The following CNTN5 variants were observed in gnomAD, a reference collection of about 807,000 sequenced individuals.
The protein encoded by CNTN5 is contactin-5.
A neutral mutation model predicts 129.1 loss-of-function variants in CNTN5; 77 were observed. That is an observed-to-expected ratio of 0.60 (90% CI 0.50 to 0.72). CNTN5 has a LOEUF of 0.72. Among genes scored for constraint, CNTN5 ranks in the 30% least tolerant of loss-of-function variants. The probability of loss-of-function intolerance (pLI) is 0.00; values close to 1 mark genes in which losing one functional copy is unlikely to be tolerated. For missense variants in CNTN5, 1,478 were observed against 1,328.8 expected (o/e 1.11, Z -1.75); for synonymous variants, 509 against 465.6 (o/e 1.09, Z -1.20).
chr11:100,249,150 C>A (rs1185195783), intron 16 of CNTN5, among the ~76,000 whole-genome samples: 2 of 151,946 alleles, frequency 1.3e-5, no homozygotes, highest in Non-Finnish European at 2.9e-5. Context: ...AATTGTAGGT[C>A]TTTATTTCAT....
chr11:99,417,721 T>C (rs753616475), intron 2 of CNTN5, among the ~76,000 whole-genome samples: 2 of 152,158 alleles, frequency 1.3e-5, no homozygotes, highest in Non-Finnish European at 2.9e-5. Flanking sequence ...TTTTGTAAAT[T>C]CATGGTGTCA....
chr11:100,326,285 T>G (rs182082388), intron 21 of CNTN5, among the ~76,000 whole-genome samples: 25 of 152,120 alleles, frequency 1.6e-4, no homozygotes, highest in African/African-American at 5.3e-4. Flanking sequence ...GCGAAGAAGA[T>G]AGAATATATG....
At chr11:99,691,342 G>A (rs536157596) in intron 3 of CNTN5, among the ~76,000 whole-genome samples, 11 of 152,072 alleles carry the variant, frequency 7.2e-5, no homozygotes, top group African/African-American at 2.7e-4. Context: ...GTGATGTTAG[G>A]TTGTTAACTT....
At chr11:100,290,806 C>T (rs1950942581) in intron 18 of CNTN5, among the ~76,000 whole-genome samples, 3 of 150,258 alleles carry the variant, frequency 2.0e-5, no homozygotes, top group Admixed American at 1.3e-4. Flanking sequence ...AAACTACCAT[C>T]AGAGTGAACA....
At chr11:99,882,352 C>T (rs1948792165) in intron 6 of CNTN5, among the ~76,000 whole-genome samples, 1 of 152,094 alleles carries the variant, frequency 6.6e-6, no homozygotes, top group African/African-American at 2.4e-5. Context: ...TCACTGCCAG[C>T]CTATGCACCC....
intron 1 of CNTN5, among the ~76,000 whole-genome samples, chr11:99,315,673 A>G (rs530492468): frequency 2.0e-5 from 3 of 149,580 alleles, no homozygotes; most frequent in African/African-American, 7.3e-5. Context: ...AAATTATGGG[A>G]TGGTATGAAA....
At chr11:99,170,023 G>A (rs1861067886) in intron 1 of CNTN5, among the ~76,000 whole-genome samples, 1 of 152,120 alleles carries the variant, frequency 6.6e-6, no homozygotes, top group African/African-American at 2.4e-5. Context: ...TTGTTTTCCA[G>A]ATGGTAATCA....
intron 9 of CNTN5, among the ~76,000 whole-genome samples, chr11:100,052,295 C>T (rs1023976840): frequency 4.0e-5 from 6 of 151,632 alleles, no homozygotes; most frequent in African/African-American, 1.5e-4. Flanking sequence ...TAAAATATTT[C>T]CCCTTTCCTT....
In CNTN5 at chr11:99,678,035, T is replaced by A. The variant is rs552249983; in HGVS notation, c.55+121766T>A. Among the ~76,000 whole-genome samples, 10 of 152,234 alleles carry A rather than the reference T, an allele frequency of 6.6e-5. No homozygotes were observed. The South Asian group carries it at 2.1e-3, about 32-fold the overall frequency. ...TGCTTCATACACTCACAGCCCTTTG[T>A]CTTTATGATTTTTGATACTTATATG... On this transcript the variant is annotated intron_variant, in intron 3 of 24. Coordinates refer to ENST00000524871, the MANE Select transcript of CNTN5 (RefSeq NM_014361.4).
At chr11:99,396,140 A>AT (rs1366411609) in intron 2 of CNTN5, among the ~76,000 whole-genome samples, 1 of 151,446 alleles carries the variant, frequency 6.6e-6, no homozygotes, top group Non-Finnish European at 1.5e-5. Flanking sequence ...CAGTATGGCC[A>AT]TTTTTTAATG....
chr11:99,299,932 T>C (rs375566819), intron 1 of CNTN5, among the ~76,000 whole-genome samples: 1 of 152,162 alleles, frequency 6.6e-6, no homozygotes, highest in East Asian at 1.9e-4. Context: ...TTACTTGATC[T>C]AGTGATAGTT....
chr11:99,456,107 T>G (rs1944487712), intron 2 of CNTN5, among the ~76,000 whole-genome samples: 1 of 152,136 alleles, frequency 6.6e-6, no homozygotes, highest in Admixed American at 6.6e-5. Flanking sequence ...CTTTTCAACC[T>G]CTTTTCATTC....
At chr11:99,569,287 C>T (rs987140717) in intron 3 of CNTN5, among the ~76,000 whole-genome samples, 2 of 151,158 alleles carry the variant, frequency 1.3e-5, no homozygotes, top group Non-Finnish European at 3.0e-5. Context: ...TATGGGATAA[C>T]TGTTTTTTAT....
intron 13 of CNTN5, chr11:100,074,529 T>A (rs79390179): frequency 2.5e-6 from 1 of 399,534 alleles, no homozygotes; most frequent in Non-Finnish European, 4.4e-6. Context: ...TTCACTAGGT[T>A]TTGAAGAAAG....
chr11:99,297,457 A>G (rs1318396271), intron 1 of CNTN5, among the ~76,000 whole-genome samples: 1 of 134,634 alleles, frequency 7.4e-6, no homozygotes, highest in Non-Finnish European at 1.7e-5. Flanking sequence ...TAATCCAAAG[A>G]GAAGAGCAGA....
At chr11:99,087,895 A>T (rs778464291) in intron 1 of CNTN5, among the ~76,000 whole-genome samples, 1 of 152,168 alleles carries the variant, frequency 6.6e-6, no homozygotes, top group Non-Finnish European at 1.5e-5. Flanking sequence ...CATGCAACCT[A>T]TGTGGCCACA....
intron 3 of CNTN5, among the ~76,000 whole-genome samples, chr11:99,630,017 A>G (rs2458167): frequency 6.6e-6 from 1 of 151,366 alleles, no homozygotes; most frequent in Non-Finnish European, 1.5e-5. Context: ...GCATGGATTT[A>G]CACGGTGGGA....
At chr11:99,416,786 G>A (rs1252782407) in intron 2 of CNTN5, among the ~76,000 whole-genome samples, 1 of 152,128 alleles carries the variant, frequency 6.6e-6, no homozygotes, top group South Asian at 2.1e-4. Flanking sequence ...GTGCTGGAAG[G>A]GGCTATGTGC....
intron 3 of CNTN5, among the ~76,000 whole-genome samples, chr11:99,638,883 A>C (rs540987400): frequency 6.6e-6 from 1 of 152,144 alleles, no homozygotes; most frequent in East Asian, 1.9e-4. Flanking sequence ...CAGTGGATCT[A>C]CTGTTCTGGG....
Sources: allele counts gnomAD v4.1 joint callset (sites outside exome capture counted in the v4.1 genomes callset), GRCh38; gene constraint gnomAD v4.1.1; transcripts MANE v1.5; gene names NCBI Gene and HGNC (gene_info 2026-07-23, HGNC 2026-07-21).